The following LRP1B variants were observed in gnomAD, a reference collection of about 807,000 sequenced individuals.
LRP1B encodes the protein low-density lipoprotein receptor-related protein 1B.
In LRP1B, 217 loss-of-function variants were observed where a neutral mutation model predicts 556.6. The observed-to-expected ratio is 0.39, with a 90% CI of 0.35 to 0.44. LRP1B has a LOEUF of 0.44. Among genes scored for constraint, LRP1B ranks in the 20% least tolerant of loss-of-function variants. The pLI is 1.00. For synonymous variants in LRP1B, 2,047 were observed against 1,865.8 expected (o/e 1.10, Z -2.50); for missense variants, 5,053 against 5,620.8 (o/e 0.90, Z 3.23).
Position 141,748,592 on chromosome 2 carries a change from T to C in LRP1B, c.205+61687A>G, listed in dbSNP as rs1434419238. 4.6e-5 allele frequency among the ~76,000 whole-genome samples: 7 copies of C among 152,336 alleles called. No homozygotes were observed. The East Asian group carries it at 1.2e-3, about 25-fold the overall frequency. ...GTCTTACTGAACTCACCCCAGGTACTGTGCTTTTGATATTATTCTATAGTG... is the reference window on the plus strand; with the variant it reads ...GTCTTACTGAACTCACCCCAGGTACCGTGCTTTTGATATTATTCTATAGTG... On this transcript the variant is annotated intron_variant, in intron 2 of 90. Transcript: ENST00000389484.
intron 57 of LRP1B, 141 bp downstream of exon 57, chr2:140,492,467 A>C (rs1688742512): frequency 1.7e-6 from 1 of 598,230 alleles, no homozygotes; most frequent in Non-Finnish European, 3.0e-6. Flanking sequence ...ACAGATACAA[A>C]CTAAATATTT....
chr2:142,064,271 A>C (rs1027943024), intron 1 of LRP1B, among the ~76,000 whole-genome samples: 2 of 151,500 alleles, frequency 1.3e-5, no homozygotes, highest in Non-Finnish European at 3.0e-5. Context: ...TTAATATTGC[A>C]ACTCTCCTGT....
intron 3 of LRP1B, among the ~76,000 whole-genome samples, chr2:141,279,598 A>T (rs1685434264): frequency 6.6e-6 from 1 of 152,140 alleles, no homozygotes; most frequent in Non-Finnish European, 1.5e-5. Flanking sequence ...AGTGTCTGAC[A>T]CATGAAATAT....
At chr2:140,640,281 G>A (rs1399443308) in intron 41 of LRP1B, among the ~76,000 whole-genome samples, 4 of 150,354 alleles carry the variant, frequency 2.7e-5, no homozygotes, top group Admixed American at 1.3e-4. Context: ...GTGAGCCATC[G>A]CGCCGGGCCT....
intron 7 of LRP1B, among the ~76,000 whole-genome samples, chr2:141,183,478 GTCAA>G (rs1681100797): frequency 6.6e-6 from 1 of 151,964 alleles, no homozygotes; most frequent in Admixed American, 6.6e-5. Flanking sequence ...CTTCAATACT[GTCAA>G]TCATTCTTGT....
chr2:141,198,263 G>C (rs1449776691), intron 6 of LRP1B, among the ~76,000 whole-genome samples: 1 of 152,080 alleles, frequency 6.6e-6, no homozygotes, highest in African/African-American at 2.4e-5. Context: ...AACAAACAAA[G>C]GCTCTGTCAG....
Position 141,953,632 on chromosome 2 carries a change from G to A in LRP1B, c.83-143231C>T, listed in dbSNP as rs573179022. ...GATATTATTAGGAACTCCAAGAGTC[G>A]CCTAGTTTGAGAATCATACATAGGG... On this transcript the variant is annotated intron_variant, in intron 1 of 90. Transcript: ENST00000389484. Among the ~76,000 whole-genome samples, 8 of 152,084 alleles carry A rather than the reference G, an allele frequency of 5.3e-5. No homozygotes were observed. In the South Asian group the frequency reaches 6.2e-4, roughly 12 times the overall value.
At chr2:142,041,611 C>G (rs1010141612) in intron 1 of LRP1B, among the ~76,000 whole-genome samples, 10 of 151,336 alleles carry the variant, frequency 6.6e-5, no homozygotes, top group African/African-American at 2.4e-4. Flanking sequence ...ATTTTTCAAG[C>G]ACATATTTTG....
In LRP1B at chr2:142,115,841, A is replaced by AATATATAT. The variant is rs1322659585; in HGVS notation, c.82+14799_82+14806dup. ...TATGTAATATATATCATATATATGT[A>AATATATAT]ATATATATATATACATATATATATA... is the stretch of plus-strand genomic sequence containing the variant. On this transcript the variant is annotated intron_variant, in intron 1 of 90. Coordinates refer to ENST00000389484, the MANE Select transcript of LRP1B (RefSeq NM_018557.3). 1.1e-3 allele frequency among the ~76,000 whole-genome samples: 6 copies of AATATATAT among 5,532 alleles called. 3 individuals are homozygous for AATATATAT. Among genetic ancestry groups the AATATATAT allele is most frequent in the Non-Finnish European group, 2.4e-3 (6 of 2,528 alleles). The allele number at this position is 5,532 out of a possible 152,430, so 3.6% of individuals were successfully genotyped here. A position where few individuals can be genotyped will look rare whatever the true frequency, so the allele number is the denominator to read the frequency against.
At chr2:140,992,061 G>A (rs1457261028) in intron 16 of LRP1B, among the ~76,000 whole-genome samples, 1 of 151,942 alleles carries the variant, frequency 6.6e-6, no homozygotes, top group Non-Finnish European at 1.5e-5. Flanking sequence ...AGTTAAGGGA[G>A]GAATAGTGGC....
At chr2:141,323,218 C>T (rs1457632182) in intron 3 of LRP1B, among the ~76,000 whole-genome samples, 2 of 151,964 alleles carry the variant, frequency 1.3e-5, no homozygotes, top group African/African-American at 4.8e-5. Flanking sequence ...TATTTTTCCA[C>T]CTTAAAACTG....
chr2:141,414,051 G>A (rs1291445279), intron 3 of LRP1B, among the ~76,000 whole-genome samples: 1 of 151,822 alleles, frequency 6.6e-6, no homozygotes, highest in Non-Finnish European at 1.5e-5. Flanking sequence ...TCCTAGCTAA[G>A]ACGGTGAAAA....
At chr2:140,801,778 T>C (rs1690522247) in intron 32 of LRP1B, among the ~76,000 whole-genome samples, 1 of 152,120 alleles carries the variant, frequency 6.6e-6, no homozygotes, top group Non-Finnish European at 1.5e-5. Context: ...TGAAAGTGGC[T>C]AAGTAGGTAA....
chr2:141,149,895 C>T (rs114295474), intron 7 of LRP1B, among the ~76,000 whole-genome samples: 3,787 of 152,272 alleles, frequency 0.025, 165 homozygotes, highest in African/African-American at 0.087. Flanking sequence ...CAGAATTTCT[C>T]CTTTCCTTCT....
At chr2:140,375,058 GA>G (rs776855679) in intron 68 of LRP1B, among the ~76,000 whole-genome samples, 1 of 151,942 alleles carries the variant, frequency 6.6e-6, no homozygotes, top group Non-Finnish European at 1.5e-5. Context: ...CTCACATTCT[GA>G]ATTTGACTAA....
intron 1 of LRP1B, among the ~76,000 whole-genome samples, chr2:141,942,880 C>T (rs1331862241): frequency 6.6e-6 from 1 of 152,158 alleles, no homozygotes; most frequent in Admixed American, 6.5e-5. Flanking sequence ...TTTCATACAT[C>T]AAGGCTTAGG....
At chr2:141,599,053 GCCCCC>G (rs1687634272) in intron 2 of LRP1B, among the ~76,000 whole-genome samples, 8 of 10,030 alleles carry the variant, frequency 8.0e-4, no homozygotes, top group East Asian at 5.1e-3. Context: ...ACTCCCCCCC[GCCCCC>G]CCCCCCCCCC....
chr2:141,532,780 G>A (rs1384035579), intron 2 of LRP1B, among the ~76,000 whole-genome samples: 1 of 152,104 alleles, frequency 6.6e-6, no homozygotes, highest in Non-Finnish European at 1.5e-5. Flanking sequence ...GAGGTCAGGA[G>A]GTTGAGAACA....
chr2:141,752,479 T>C (rs2105570509), intron 2 of LRP1B, among the ~76,000 whole-genome samples: 1 of 152,268 alleles, frequency 6.6e-6, no homozygotes, highest in South Asian at 2.1e-4. Context: ...ACTACCTAGA[T>C]GCACATTTAG....
Sources: allele counts gnomAD v4.1 joint callset (sites outside exome capture counted in the v4.1 genomes callset), GRCh38; gene constraint gnomAD v4.1.1; transcripts MANE v1.5; gene names NCBI Gene and HGNC (gene_info 2026-07-23, HGNC 2026-07-21).